The following HMG20B variants were observed in gnomAD, a reference collection of about 807,000 sequenced individuals.
HMG20B encodes high mobility group 20B.
Under a neutral mutation model 41.6 loss-of-function variants are expected in HMG20B, and 24 were observed. The ratio of observed to expected loss-of-function variants is 0.58; its 90% confidence interval spans 0.42 to 0.81. The LOEUF is 0.81. HMG20B is among the 30% of genes least tolerant of loss of function. The probability of loss-of-function intolerance (pLI) is 0.00; values close to 1 mark genes in which losing one functional copy is unlikely to be tolerated. For missense variants in HMG20B, 461 were observed against 444.0 expected, an observed-to-expected ratio of 1.04 and a Z score of -0.34; for synonymous variants, 251 against 186.6, an observed-to-expected ratio of 1.34 and a Z score of -2.81.
At chr19:3,573,975 TAA>T (rs1215150051) in intron 3 of HMG20B, 175 bp downstream of exon 3, 2 of 717,770 alleles carry the variant, frequency 2.8e-6, no homozygotes, top group East Asian at 2.7e-5. Context: ...TCTGCCACTC[TAA>T]GTCCAGGCCC....
At position 3,577,043 on chromosome 19, in the gene HMG20B, G is replaced by A. The variant is rs887221439; in HGVS notation, c.744G>A (p.Leu248=). The change falls in exon 8 of 10, where the codon CTG becomes CTA. Residue 248 remains leucine (L), a synonymous_variant. Coordinates refer to ENST00000333651, the MANE Select transcript of HMG20B (RefSeq NM_006339.3). Reference sequence around the variant, plus strand: ...TGGAGGAGCGGAGGACGCTGGCGCTGCAGCAGCAGCTCCAGGCCGTGCGCC... The same window carrying A: ...TGGAGGAGCGGAGGACGCTGGCGCTACAGCAGCAGCTCCAGGCCGTGCGCC... ...LALEERRTLA[L]QQQLQAVRQA... 2 of 1,548,216 alleles carry A rather than the reference G, an allele frequency of 1.3e-6. No homozygotes were observed.
intron 4 of HMG20B, 72 bp downstream of exon 4, chr19:3,574,658 A>C (rs1480242577): frequency 1.5e-6 from 2 of 1,358,390 alleles, no homozygotes; most frequent in East Asian, 2.5e-5. Context: ...CGACCCCCAA[A>C]GGATTCCACG....
chr19:3,578,302 G>A, intron 9 of HMG20B, 189 bp downstream of exon 9: 2 of 1,124,198 alleles, frequency 1.8e-6, no homozygotes, highest in Non-Finnish European at 2.5e-6. Flanking sequence ...ACCCCGGGCC[G>A]GCGGGACCCA....
intron 9 of HMG20B, 70 bp from the exon 10 acceptor site, chr19:3,578,439 G>C: frequency 1.4e-6 from 2 of 1,458,266 alleles, no homozygotes; most frequent in Non-Finnish European, 1.8e-6. Flanking sequence ...GGTCTCTGGG[G>C]TTCCCCAGGG....
chr19:3,574,001 A>G (rs1346475175), intron 3 of HMG20B: 4 of 696,942 alleles, frequency 5.7e-6, no homozygotes, highest in South Asian at 1.5e-5. Flanking sequence ...CCACCGCACA[A>G]TGCCAGCTCT....
intron 2 of HMG20B, 121 bp from the exon 3 acceptor site, chr19:3,573,571 C>G: frequency 9.1e-6 from 9 of 984,364 alleles, no homozygotes; most frequent in Non-Finnish European, 1.3e-5. Flanking sequence ...CAGACCCTGC[C>G]TCCTCGGGCT....
At chr19:3,577,918 C>T (rs2032206834) in intron 8 of HMG20B, 63 bp from the exon 9 acceptor site, 22 of 1,468,944 alleles carry the variant, frequency 1.5e-5, no homozygotes, top group Non-Finnish European at 1.9e-5. Context: ...CTACCGCTGC[C>T]CCTGGAGCCC....
At chr19:3,576,468 G>C in intron 6 of HMG20B, 85 bp from the exon 7 acceptor site, 1 of 1,403,404 alleles carries the variant, frequency 7.1e-7, no homozygotes. Flanking sequence ...GGTGTCCCAG[G>C]AGACCCTCCT....
At chr19:3,574,165 C>G (rs2032104669) in intron 3 of HMG20B, 1 of 611,016 alleles carries the variant, frequency 1.6e-6, no homozygotes, top group Non-Finnish European at 2.9e-6. Context: ...AACCTCGGCC[C>G]ATAGTTCCTC....
chr19:3,575,849 C>T, intron 5 of HMG20B, 189 bp downstream of exon 5: 4 of 533,002 alleles, frequency 7.5e-6, no homozygotes, highest in Non-Finnish European at 1.3e-5. Flanking sequence ...GAGGCTGAGG[C>T]AGGAGAATTG....
Position 3,576,875 on chromosome 19 carries a change from C to G in HMG20B, c.593-17C>G, listed in dbSNP as rs1181629401. On this transcript the variant is annotated splice_polypyrimidine_tract_variant and intron_variant, in intron 7 of 9. Transcript: ENST00000333651. Reference sequence around the variant, plus strand: ...AAAGGGGAGGCGCAGGCTTTGACCCCGCTCCCCCCGGCGCAGCGCGTGAGG... The same window carrying G: ...AAAGGGGAGGCGCAGGCTTTGACCCGGCTCCCCCCGGCGCAGCGCGTGAGG... 6.4e-7 allele frequency: 1 copy of G among 1,556,810 alleles called. No individual in the cohort carries two copies. Among genetic ancestry groups the G allele is most frequent in the Non-Finnish European group, 8.7e-7 (1 of 1,151,766 alleles).
At chr19:3,573,207 G>A in intron 1 of HMG20B, 85 bp from the exon 2 acceptor site, 1 of 1,142,024 alleles carries the variant, frequency 8.8e-7, no homozygotes, top group Non-Finnish European at 1.2e-6. Context: ...GCATCCCGGG[G>A]CTCTCCATCG....
rs1442031094 is a variant in HMG20B at position 3,573,988 on chromosome 19, CGCCCACCGCACAATGCCAGCTCT to C, written c.147+195_147+217del. ...CCTCTGCCACTCTAAGTCCAGGCCCCGCCCACCGCACAATGCCAGCTCTGCCCACTCTAAGGTCCCGCCCACTT... is the reference window on the plus strand; with the variant it reads ...CCTCTGCCACTCTAAGTCCAGGCCCCGCCCACTCTAAGGTCCCGCCCACTT... On this transcript the variant is annotated intron_variant, in intron 3 of 9. Coordinates refer to ENST00000333651, the MANE Select transcript of HMG20B (RefSeq NM_006339.3). The C allele has an allele frequency of 5.7e-6, 4 of 706,978 alleles. No homozygotes were observed. The Admixed American group carries it at 8.2e-5, about 15-fold the overall frequency. 43.8% of individuals were successfully genotyped at this position (706,978 alleles called of 1,614,324 possible).
In HMG20B at chr19:3,573,783, G is replaced by T; in HGVS notation, c.130G>T (p.Gly44Trp). Residue 44 changes from glycine (G) to tryptophan (W), a missense_variant, in exon 3 of 10, where the codon GGG (glycine) becomes TGG (tryptophan). Coordinates refer to ENST00000333651, the MANE Select transcript of HMG20B (RefSeq NM_006339.3). The stretch of plus-strand genomic sequence containing the variant: ...CGAGGGTCCACGCGCGGGCGAGAAG[G>T]GGTCCCACGAGGAGGAGGTGAGAGT... The part of the protein sequence containing the change: ...RGEGPRAGEK[G>W]SHEEEPVKKR... 1 of 1,579,238 alleles carries T rather than the reference G, an allele frequency of 6.3e-7. No individual in the cohort carries two copies. The highest frequency in any genetic ancestry group is 8.6e-7 in the Non-Finnish European group (1 of 1,165,996).
intron 6 of HMG20B, 48 bp downstream of exon 6, chr19:3,576,355 AGGCTTCT>A (rs1281644770): frequency 1.3e-5 from 20 of 1,586,588 alleles, no homozygotes; most frequent in Non-Finnish European, 1.7e-5. Context: ...AAAGGTCTGG[AGGCTTCT>A]AGAACCCTGA....
intron 2 of HMG20B, 26 bp downstream of exon 2, chr19:3,573,373 G>A (rs767097682): frequency 2.0e-6 from 3 of 1,510,374 alleles, no homozygotes; most frequent in Non-Finnish European, 2.7e-6. Context: ...CCCTCCCCAC[G>A]CCCTCGCTAC....
At position 3,573,174 on chromosome 19, in the gene HMG20B, G is replaced by T. The variant is rs1177452940; in HGVS notation, c.-18-118G>T. On this transcript the variant is annotated intron_variant, in intron 1 of 9. Coordinates refer to ENST00000333651, the MANE Select transcript of HMG20B (RefSeq NM_006339.3). ...GAGGACTTCCCTGCCCCTGGATCCG[G>T]CCCCCCCAGCGCTCCGGGCCCGGCA... The T allele has an allele frequency of 9.2e-6, 7 of 764,182 alleles. No homozygotes were observed. In the Admixed American group the frequency reaches 1.9e-4, roughly 21 times the overall value. The allele number at this position is 764,182 out of a possible 1,614,324, so 47.3% of individuals were successfully genotyped here.
In HMG20B at chr19:3,577,050, C is replaced by G; in HGVS notation, c.751C>G (p.Gln251Glu). 6.5e-7 allele frequency: 1 copy of G among 1,546,410 alleles called. No individual in the cohort carries two copies. Among genetic ancestry groups the G allele is most frequent in the Non-Finnish European group, 8.7e-7 (1 of 1,146,362 alleles). ...GCGGAGGACGCTGGCGCTGCAGCAGCAGCTCCAGGCCGTGCGCCAGGCGCT... is the reference window on the plus strand; with the variant it reads ...GCGGAGGACGCTGGCGCTGCAGCAGGAGCTCCAGGCCGTGCGCCAGGCGCT... The part of the protein sequence containing the change: ...EERRTLALQQ[Q>E]LQAVRQALTA... Residue 251 changes from glutamine to glutamate, a missense_variant, in exon 8 of 10, where the codon CAG becomes GAG. Around this residue, in one of 3 missense-constraint regions of HMG20B, gnomAD observed 308 missense variants for 283.4 expected, o/e 1.09. Transcript: ENST00000333651.
At chr19:3,575,951 A>G (rs1246917668) in intron 5 of HMG20B, 2 of 510,286 alleles carry the variant, frequency 3.9e-6, no homozygotes, top group Non-Finnish European at 7.0e-6. Flanking sequence ...CTCAAAAAAA[A>G]AAAAAAAAGA....
Sources: allele counts gnomAD v4.1 joint callset, GRCh38; gene constraint gnomAD v4.1.1; regional missense constraint gnomAD v4.1.1; transcripts MANE v1.5; gene names NCBI Gene and HGNC (gene_info 2026-07-23, HGNC 2026-07-21).